Variants in ZNF48 observed in about 807,000 individuals in gnomAD.
ZNF48 encodes the protein zinc finger protein 553.
ZNF48 carries 20 observed loss-of-function variants against 40.0 expected under a neutral mutation model. The ratio of observed to expected loss-of-function variants is 0.50; its 90% confidence interval spans 0.35 to 0.73. ZNF48 has a LOEUF of 0.73. Among genes scored for constraint, ZNF48 ranks in the 30% least tolerant of loss-of-function variants. The pLI is 0.01. For missense variants in ZNF48, 726 were observed against 851.9 expected, an observed-to-expected ratio of 0.85 and a Z score of 1.84; for synonymous variants, 298 against 329.7, an observed-to-expected ratio of 0.90 and a Z score of 1.04.
rs1343652877 is a variant in ZNF48 at position 30,381,330 on chromosome 16, C to T, written c.-16+2920C>T. The T allele has an allele frequency of 1.2e-6, 2 of 1,613,192 alleles. No individual in the cohort carries two copies. Among genetic ancestry groups the T allele is most frequent in the Admixed American group, 1.7e-5 (1 of 59,950 alleles). Reference sequence around the variant, plus strand: ...AAATGCGCCAGCCCCCAGGATCCCCCCACCAGACCCCCGGCCGAAGGGTGA... The same window carrying T: ...AAATGCGCCAGCCCCCAGGATCCCCTCACCAGACCCCCGGCCGAAGGGTGA... On this transcript the variant is annotated intron_variant, in intron 1 of 2. Transcript: ENST00000528032. This position sits in a 1 kb window ranked among gnomAD's most constrained non-coding sequence, Gnocchi z 4.3.
At chr16:30,380,134 C>A (rs770376339) in intron 1 of ZNF48, 15 of 932,326 alleles carry the variant, frequency 1.6e-5, no homozygotes, top group Non-Finnish European at 2.1e-5. Flanking sequence ...TGGTCAGAGA[C>A]AGAGAGAAAG....
In ZNF48 at chr16:30,382,338, G is replaced by C. The variant is rs2049861665; in HGVS notation, c.-16+3928G>C. On this transcript the variant is annotated intron_variant, in intron 1 of 2. Transcript: ENST00000528032. This position sits in a 1 kb window ranked among gnomAD's most constrained non-coding sequence, Gnocchi z 4.8. The stretch of plus-strand genomic sequence containing the variant: ...GACTTGCGGTGCAGCTGGTTGGGGA[G>C]GGCAGCAAAACCCACGTACTCCTTG... The C allele has an allele frequency of 6.2e-7, 1 of 1,613,620 alleles. No homozygotes were observed. Among genetic ancestry groups the C allele is most frequent in the Non-Finnish European group, 8.5e-7 (1 of 1,179,698 alleles).
chr16:30,392,006 T>A (rs569194844), upstream of ZNF48, among the ~76,000 whole-genome samples: 1 of 151,982 alleles, frequency 6.6e-6, no homozygotes, highest in Non-Finnish European at 1.5e-5. Flanking sequence ...CCCAGCTAAC[T>A]TTTTTGTATC....
chr16:30,384,295 G>A (rs1292962910), intron 1 of ZNF48, among the ~76,000 whole-genome samples: 1 of 151,634 alleles, frequency 6.6e-6, no homozygotes, highest in Non-Finnish European at 1.5e-5. Flanking sequence ...TTGGGAGGCT[G>A]AGTCGGGCAG....
chr16:30,387,356 G>GA (rs1567429366), intron 1 of ZNF48, among the ~76,000 whole-genome samples: 1 of 146,214 alleles, frequency 6.8e-6, no homozygotes. Context: ...GGAGTTCAAG[G>GA]CCAGCCTGGC....
chr16:30,390,287 AT>A (rs1294077067), intron 1 of ZNF48, among the ~76,000 whole-genome samples: 1 of 152,224 alleles, frequency 6.6e-6, no homozygotes, highest in Non-Finnish European at 1.5e-5. Context: ...CTGCAAATGA[AT>A]ATGGCAGGCA....
chr16:30,397,571 T>C lies in ZNF48; in HGVS notation c.321T>C (p.Ser107=). ...LLGEPRWGQA[S]SDRAAVCGEC... is the part of the protein sequence containing the mutation. ...GTGAACCACGCTGGGGCCAGGCTAGTAGTGATCGGGCCGCTGTGTGTGGTG... is the reference window on the plus strand; with the variant it reads ...GTGAACCACGCTGGGGCCAGGCTAGCAGTGATCGGGCCGCTGTGTGTGGTG... The change falls in exon 3 of 3, where the codon AGT becomes AGC. Residue 107 remains serine (S), a synonymous_variant. Coordinates refer to ENST00000613509, the MANE Select transcript of ZNF48 (RefSeq NM_001214909.2). This position sits in a 1 kb window ranked among gnomAD's most constrained non-coding sequence, Gnocchi z 4.1. The C allele has an allele frequency of 6.2e-7, 1 of 1,614,038 alleles. No homozygotes were observed.
At position 30,400,066 on chromosome 16, in the gene ZNF48, C is replaced by G. The variant is rs1455747423; in HGVS notation, c.*959C>G. 1 of 152,226 alleles carries G rather than the reference C, an allele frequency of 6.6e-6. No individual in the cohort carries two copies. The highest frequency in any genetic ancestry group is 1.9e-4 in the East Asian group (1 of 5,194). The allele number at this position is 152,226 out of a possible 1,614,324, so 9.4% of individuals were successfully genotyped here. A position where few individuals can be genotyped will look rare whatever the true frequency, so the allele number is the denominator to read the frequency against. ...CAGACTGTAAATTTTGTGTGCTTCCCTTGCTCTCTGAGCCCATTAAATAAA... is the reference window on the plus strand; with the variant it reads ...CAGACTGTAAATTTTGTGTGCTTCCGTTGCTCTCTGAGCCCATTAAATAAA... On this transcript the variant is annotated 3_prime_UTR_variant, in exon 3 of 3. Coordinates refer to ENST00000613509, the MANE Select transcript of ZNF48 (RefSeq NM_001214909.2).
In ZNF48 at chr16:30,381,090, T is replaced by A; in HGVS notation, c.-16+2680T>A. ...GTCTAAGCTGAAATCAGGTTTGGCT[T>A]CACATGGGGTCAAAGGTCAGAGGTC... On this transcript the variant is annotated intron_variant, in intron 1 of 2. Coordinates refer to the ZNF48 transcript ENST00000528032. The surrounding 1 kb of genome is among the most constrained non-coding windows in gnomAD (Gnocchi z 4.3). 6.5e-7 allele frequency: 1 copy of A among 1,527,122 alleles called. No homozygotes were observed. Among genetic ancestry groups the A allele is most frequent in the Non-Finnish European group, 9.1e-7 (1 of 1,100,446 alleles). The allele number at this position is 1,527,122 out of a possible 1,614,324, so 94.6% of individuals were successfully genotyped here.
At chr16:30,379,385 A>G in intron 1 of ZNF48, 1 of 1,532,680 alleles carries the variant, frequency 6.5e-7, no homozygotes, top group Non-Finnish European at 9.0e-7. Context: ...CCTGACCCAG[A>G]GGCCCCGGGC....
At chr16:30,390,212 C>A (rs962498465) in intron 1 of ZNF48, among the ~76,000 whole-genome samples, 1 of 152,034 alleles carries the variant, frequency 6.6e-6, no homozygotes, top group Non-Finnish European at 1.5e-5. Context: ...TATCTTTAGA[C>A]ATTAATTCAA....
chr16:30,394,080 G>A (rs2049961438), upstream of ZNF48, among the ~76,000 whole-genome samples: 1 of 151,568 alleles, frequency 6.6e-6, no homozygotes, highest in African/African-American at 2.4e-5. Flanking sequence ...GCCCAGCATG[G>A]AGTACAGTGG....
At chr16:30,383,745 G>A (rs1301373984) in intron 1 of ZNF48, among the ~76,000 whole-genome samples, 5 of 152,144 alleles carry the variant, frequency 3.3e-5, no homozygotes, top group African/African-American at 7.2e-5. Flanking sequence ...TCCCTCAGCT[G>A]GCCTCATCAC....
At chr16:30,393,830 C>G (rs1597017561), upstream of ZNF48, among the ~76,000 whole-genome samples, 1 of 152,124 alleles carries the variant, frequency 6.6e-6, no homozygotes, top group African/African-American at 2.4e-5. Flanking sequence ...ATCCTCCTGC[C>G]TCAGTCTCCA....
chr16:30,378,631 C>G, intron 1 of ZNF48: 1 of 1,611,176 alleles, frequency 6.2e-7, no homozygotes, highest in South Asian at 1.1e-5. Context: ...TCTCGCGGAT[C>G]AGCTTCTCGG....
chr16:30,389,131 T>C (rs1240210074), intron 1 of ZNF48, among the ~76,000 whole-genome samples: 1 of 151,644 alleles, frequency 6.6e-6, no homozygotes, highest in Non-Finnish European at 1.5e-5. Flanking sequence ...CAGTGGCTCA[T>C]GCCTGTAATT....
rs1482816975 is a variant in ZNF48 at position 30,381,222 on chromosome 16, A to G, written c.-16+2812A>G. The G allele has an allele frequency of 1.2e-6, 2 of 1,613,908 alleles. No individual in the cohort carries two copies. Among genetic ancestry groups the G allele is most frequent in the Non-Finnish European group, 1.7e-6 (2 of 1,179,982 alleles). On this transcript the variant is annotated intron_variant, in intron 1 of 2. Transcript: ENST00000528032. This position sits in a 1 kb window ranked among gnomAD's most constrained non-coding sequence, Gnocchi z 4.3. Reference sequence around the variant, plus strand: ...ACTTTCTCGTGTACTGCCCGGAGGAAGGCCACATCTAGGGGCCGGAGCCTG... The same window carrying G: ...ACTTTCTCGTGTACTGCCCGGAGGAGGGCCACATCTAGGGGCCGGAGCCTG...
intron 1 of ZNF48, chr16:30,379,437 T>G (rs1213970716): frequency 6.2e-7 from 1 of 1,613,416 alleles, no homozygotes. Flanking sequence ...TCACTCACCC[T>G]CCACGGTCCC....
At chr16:30,384,469 A>G (rs187515529) in intron 1 of ZNF48, among the ~76,000 whole-genome samples, 1 of 152,318 alleles carries the variant, frequency 6.6e-6, no homozygotes, top group East Asian at 1.9e-4. Context: ...GGTTGCAGCG[A>G]GCCAAGATCG....
Sources: allele counts gnomAD v4.1 joint callset (sites outside exome capture counted in the v4.1 genomes callset), GRCh38; gene constraint gnomAD v4.1.1; non-coding constraint Gnocchi (gnomAD v3.1); transcripts MANE v1.5; gene names NCBI Gene and HGNC (gene_info 2026-07-23, HGNC 2026-07-21).